TCF3: variants seen among roughly 807,000 people sequenced by gnomAD.
TCF3 encodes the protein transcription factor 3.
In TCF3, 54 loss-of-function variants were observed where a neutral mutation model predicts 72.3. The ratio of observed to expected loss-of-function variants is 0.75; its 90% CI spans 0.60 to 0.94. The LOEUF (loss-of-function observed/expected upper bound fraction) is 0.94. TCF3 is among the 40% of genes least tolerant of loss of function. TCF3 has a pLI of 0.00. For missense variants in TCF3, 1,078 were observed against 934.4 expected (o/e 1.15, Z -2.00); for synonymous variants, 525 against 412.6 (o/e 1.27, Z -3.30).
Position 1,619,329 on chromosome 19 carries a change from C to A in TCF3, c.1313G>T (p.Arg438Leu). Residue 438 changes from arginine to leucine, a missense_variant, in exon 15 of 19, where the codon CGG becomes CTG. Arg to Leu is a moderately radical substitution (Grantham distance 102). Coordinates refer to ENST00000262965, the MANE Select transcript of TCF3 (RefSeq NM_003200.5). The part of the protein sequence containing the change: ...GFTGPMSLGG[R>L]HAGLVGGSHP... ...CCCAGCGCTCACCAGGCCTGCGTGC[C>A]GCCCGCCCAGTGACATGGGGCCGGT... The A allele has an allele frequency of 6.3e-7, 1 of 1,575,842 alleles. No homozygotes were observed. The highest frequency in any genetic ancestry group is 8.6e-7 in the Non-Finnish European group (1 of 1,166,696).
intron 3 of TCF3, among the ~76,000 whole-genome samples, chr19:1,645,446 C>T (rs778597959): frequency 2.6e-5 from 4 of 152,288 alleles, no homozygotes; most frequent in African/African-American, 4.8e-5. Flanking sequence ...CAGGGCTCCC[C>T]GCTGCCCCTG....
At chr19:1,641,022 C>A (rs1229689069) in intron 3 of TCF3, among the ~76,000 whole-genome samples, 1 of 151,686 alleles carries the variant, frequency 6.6e-6, no homozygotes, top group East Asian at 1.9e-4. Context: ...TGGTGGCAGG[C>A]ACCTATATTC....
rs921911501 is a variant in TCF3, at chr19:1,614,176, G to A, written c.1822+1109C>T. ...CCAGCATGCCTGGTGCCCTGTCTTA[G>A]TCTCTAGGGGGCTGCCTCACCCACT... is the stretch of plus-strand genomic sequence containing the variant. On this transcript the variant is annotated intron_variant, in intron 18 of 18. Coordinates refer to ENST00000262965, the MANE Select transcript of TCF3 (RefSeq NM_003200.5). This position sits in a 1 kb window ranked among gnomAD's most constrained non-coding sequence, Gnocchi z 5.6. Among the ~76,000 whole-genome samples the A allele has an allele frequency of 3.9e-5, 6 of 152,248 alleles. No individual in the cohort carries two copies. The highest frequency in any genetic ancestry group is 1.4e-4 in the African/African-American group (6 of 41,466).
At chr19:1,636,731 C>T (rs2064462498) in intron 3 of TCF3, among the ~76,000 whole-genome samples, 1 of 152,134 alleles carries the variant, frequency 6.6e-6, no homozygotes, top group South Asian at 2.1e-4. Context: ...AGCACATGCT[C>T]CCAGCTTCTG....
chr19:1,637,814 C>T (rs1254782244), intron 3 of TCF3, among the ~76,000 whole-genome samples: 2 of 152,014 alleles, frequency 1.3e-5, no homozygotes, highest in Non-Finnish European at 2.9e-5. Flanking sequence ...GAGGCTGAGG[C>T]AGGAGAATGG....
At chr19:1,641,225 C>T (rs999451867) in intron 3 of TCF3, among the ~76,000 whole-genome samples, 4 of 151,770 alleles carry the variant, frequency 2.6e-5, no homozygotes, top group Non-Finnish European at 5.9e-5. Context: ...CAGCCAACAG[C>T]TTGGCTGGAT....
At chr19:1,627,657 A>G (rs146707702) in intron 5 of TCF3, among the ~76,000 whole-genome samples, 390 of 152,254 alleles carry the variant, frequency 2.6e-3, no homozygotes, top group Middle Eastern at 6.8e-3. Flanking sequence ...CTCCTGCCCA[A>G]TGACAGGCTT....
rs200768791 is a variant in TCF3, at chr19:1,611,708, C to A, written c.1964G>T (p.Ter655LeuextTer94). The change falls in exon 19 of 19, where the codon TGA (stop) becomes TTA (leucine). Residue 655 changes from the stop codon to leucine, a stop_lost. Transcript: ENST00000262965. Reference sequence around the variant, plus strand: ...GCTCGTCCCACGGAGGCATACCTTTCACATGTGCCCGGCGGGGTTGTGGGC... The same window carrying A: ...GCTCGTCCCACGGAGGCATACCTTTAACATGTGCCCGGCGGGGTTGTGGGC... Reference protein sequence around the residue: ...SEAHNPAGHM* With the variant: ...SEAHNPAGHML 1.9e-6 allele frequency: 3 copies of A among 1,612,494 alleles called. No individual in the cohort carries two copies. The Admixed American group carries it at 5.0e-5, about 27-fold the overall frequency.
At chr19:1,642,685 C>G (rs1346480578) in intron 3 of TCF3, among the ~76,000 whole-genome samples, 4 of 152,204 alleles carry the variant, frequency 2.6e-5, no homozygotes, top group African/African-American at 4.8e-5. Context: ...GTTGGCCAGG[C>G]TGGTCTCGAA....
chr19:1,633,613 T>C (rs766366884), intron 3 of TCF3, among the ~76,000 whole-genome samples: 2 of 152,240 alleles, frequency 1.3e-5, no homozygotes, highest in South Asian at 2.1e-4. Context: ...TCTCCAAGTC[T>C]AATGAATATT....
At chr19:1,634,650 G>A (rs2064159596) in intron 3 of TCF3, among the ~76,000 whole-genome samples, 1 of 152,260 alleles carries the variant, frequency 6.6e-6, no homozygotes, top group Non-Finnish European at 1.5e-5. Flanking sequence ...CCTCCTGAGA[G>A]GGACCGGGGA....
At chr19:1,632,915 G>A (rs1315230704) in intron 3 of TCF3, among the ~76,000 whole-genome samples, 2 of 152,218 alleles carry the variant, frequency 1.3e-5, no homozygotes, top group Admixed American at 1.3e-4. Flanking sequence ...GTGGGAAGTG[G>A]GGCCGCCCTT....
intron 3 of TCF3, among the ~76,000 whole-genome samples, chr19:1,646,140 A>G (rs2066054503): frequency 6.6e-6 from 1 of 152,114 alleles, no homozygotes; most frequent in Admixed American, 6.5e-5. Context: ...CGAGGGGACG[A>G]GGGGCTCAGG....
chr19:1,652,301 T>A lies in TCF3; in HGVS notation c.-41A>T, dbSNP rs1299266987. ...CCCCCCGCCCCCCGCCGGGCTCACC[T>A]GCTGGGCGCGGCCGGGCACGCGGCG... On this transcript the variant is annotated splice_region_variant and 5_prime_UTR_variant, in exon 1 of 19. Coordinates refer to ENST00000262965, the MANE Select transcript of TCF3 (RefSeq NM_003200.5). 1 of 135,558 alleles carries A rather than the reference T, an allele frequency of 7.4e-6. No homozygotes were observed. Among genetic ancestry groups the A allele is most frequent in the Non-Finnish European group, 1.6e-5 (1 of 62,644 alleles). The allele number at this position is 135,558 out of a possible 1,614,324, so 8.4% of individuals were successfully genotyped here.
At chr19:1,644,371 C>T (rs1252736349) in intron 3 of TCF3, among the ~76,000 whole-genome samples, 1 of 151,166 alleles carries the variant, frequency 6.6e-6, no homozygotes, top group East Asian at 2.0e-4. Flanking sequence ...CTCAGGCGGG[C>T]GTTAACTGCA....
intron 3 of TCF3, among the ~76,000 whole-genome samples, chr19:1,645,372 C>T (rs758286544): frequency 6.6e-6 from 1 of 151,932 alleles, no homozygotes; most frequent in Admixed American, 6.5e-5. Context: ...CAAATCCTGT[C>T]GACAGCCAGC....
chr19:1,623,162 T>C (rs753716613), intron 8 of TCF3, among the ~76,000 whole-genome samples: 2 of 151,986 alleles, frequency 1.3e-5, no homozygotes, highest in African/African-American at 2.4e-5. Context: ...AGGAGATGTA[T>C]GCCCAGGGCT....
chr19:1,632,346 A>G lies in TCF3; in HGVS notation c.205T>C (p.Phe69Leu), dbSNP rs764741799. ...WGSGDQSSSS[F>L]DPSRTFSEGT... ...GGGACTCCTACCCGGCTGGGGTCAA[A>G]GGAGGAGCTGCTCTGGTCGCCGCTG... The change falls in exon 4 of 19, where the codon TTT becomes CTT. Residue 69 changes from phenylalanine (F) to leucine (L), a missense_variant. Transcript: ENST00000262965. 30 of 1,589,818 alleles carry G rather than the reference A, an allele frequency of 1.9e-5. No homozygotes were observed. The highest frequency in any genetic ancestry group is 2.4e-5 in the Non-Finnish European group (28 of 1,168,508).
rs1215598833 is a variant in TCF3 at position 1,621,918 on chromosome 19, G to A, written c.875C>T (p.Ser292Phe). Reference sequence around the variant, plus strand: ...CGTGGCTCCGGGGGCTGAGGAGAAGGAGGATGCAGATGGGAGCCCACCGTT... The same window carrying A: ...CGTGGCTCCGGGGGCTGAGGAGAAGAAGGATGCAGATGGGAGCCCACCGTT... ...EVNGGLPSAS[S>F]FSSAPGATYG... Residue 292 changes from serine to phenylalanine, a missense_variant, in exon 11 of 19, where the codon TCC (serine) becomes TTC (phenylalanine). Coordinates refer to ENST00000262965, the MANE Select transcript of TCF3 (RefSeq NM_003200.5). 1 of 1,603,970 alleles carries A rather than the reference G, an allele frequency of 6.2e-7. No homozygotes were observed. Among genetic ancestry groups the A allele is most frequent in the East Asian group, 2.2e-5 (1 of 44,490 alleles).
Sources: gnomAD v4.1 joint callset for allele counts (sites outside exome capture counted in the v4.1 genomes callset) on GRCh38, gnomAD v4.1.1 for gene constraint, Gnocchi (gnomAD v3.1) non-coding constraint, MANE v1.5 for transcripts, NCBI Gene and HGNC (gene_info 2026-07-23, HGNC 2026-07-21) for gene names.